DYNC2I1: variants seen among roughly 807,000 people sequenced by gnomAD.
The protein encoded by DYNC2I1 is cytoplasmic dynein 2 intermediate chain 1.
A neutral mutation model predicts 133.4 loss-of-function variants in DYNC2I1; 89 were observed. The observed-to-expected ratio is 0.67, with a 90% CI of 0.56 to 0.80. The LOEUF (loss-of-function observed/expected upper bound fraction) is 0.80. Among genes scored for constraint, DYNC2I1 ranks in the 30% least tolerant of loss-of-function variants. DYNC2I1 has a pLI of 0.00. For synonymous variants in DYNC2I1, 504 were observed against 484.3 expected, an observed-to-expected ratio of 1.04 and a Z score of -0.54; for missense variants, 1,291 against 1,314.5, an observed-to-expected ratio of 0.98 and a Z score of 0.28.
intron 3 of DYNC2I1, among the ~76,000 whole-genome samples, chr7:158,872,669 A>G (rs946196946): frequency 6.6e-6 from 1 of 150,984 alleles, no homozygotes; most frequent in African/African-American, 2.4e-5. Flanking sequence ...AGGAATAACA[A>G]TTTTCTCATT....
In DYNC2I1 at chr7:158,945,236, G is replaced by T. The variant is rs1167284360; in HGVS notation, c.3003-345G>T. ...CTCAGCTGTGGGTGAGATCCAGGGA[G>T]GCTGGAGACCAAGGACGAGGCTCTG... On this transcript the variant is annotated intron_variant, in intron 24 of 24. Coordinates refer to ENST00000407559, the MANE Select transcript of DYNC2I1 (RefSeq NM_018051.5). This position sits in a 1 kb window ranked among gnomAD's most constrained non-coding sequence, Gnocchi z 4.1. Among the ~76,000 whole-genome samples the T allele has an allele frequency of 6.6e-6, 1 of 152,064 alleles. No individual in the cohort carries two copies. Among genetic ancestry groups the T allele is most frequent in the African/African-American group, 2.4e-5 (1 of 41,402 alleles).
chr7:158,867,033 T>C (rs1174923783), intron 1 of DYNC2I1, among the ~76,000 whole-genome samples: 1 of 151,916 alleles, frequency 6.6e-6, no homozygotes, highest in Non-Finnish European at 1.5e-5. Flanking sequence ...TTTTTTTTTT[T>C]TTTGAAACAA....
intron 7 of DYNC2I1, 79 bp downstream of exon 7, chr7:158,887,154 T>G (rs1162452563): frequency 6.8e-7 from 1 of 1,468,928 alleles, no homozygotes; most frequent in African/African-American, 1.4e-5. Context: ...GGCTTCCCCT[T>G]GAAACCAGAG....
At chr7:158,908,230 A>G (rs1467674782) in intron 11 of DYNC2I1, among the ~76,000 whole-genome samples, 1 of 152,102 alleles carries the variant, frequency 6.6e-6, no homozygotes, top group African/African-American at 2.4e-5. Context: ...TTTGAGGGAA[A>G]ATAGATACCT....
chr7:158,933,405 G>A (rs1385237112), intron 21 of DYNC2I1, among the ~76,000 whole-genome samples: 1 of 152,198 alleles, frequency 6.6e-6, no homozygotes, highest in East Asian at 1.9e-4. Flanking sequence ...TGGGGCTTGA[G>A]CCCCATGCAG....
intron 5 of DYNC2I1, among the ~76,000 whole-genome samples, chr7:158,883,916 G>A (rs1246541618): frequency 4.6e-5 from 7 of 150,990 alleles, no homozygotes; most frequent in African/African-American, 9.8e-5. Flanking sequence ...CGCCCGCCTC[G>A]GCCTCCCAAA....
At chr7:158,878,952 G>A (rs1468393138) in intron 4 of DYNC2I1, among the ~76,000 whole-genome samples, 1 of 139,758 alleles carries the variant, frequency 7.2e-6, no homozygotes, top group East Asian at 2.3e-4. Flanking sequence ...AGGAGGGGAG[G>A]CCAGGAGGAC....
At chr7:158,897,104 C>T (rs1489042593) in intron 8 of DYNC2I1, among the ~76,000 whole-genome samples, 2 of 151,820 alleles carry the variant, frequency 1.3e-5, no homozygotes, top group Non-Finnish European at 2.9e-5. Flanking sequence ...CTGCCTCAGC[C>T]TCCCGAGTAG....
chr7:158,840,048 C>G, the DYNC2I1 span, among the ~76,000 whole-genome samples: 1 of 152,134 alleles, frequency 6.6e-6, no homozygotes, highest in Non-Finnish European at 1.5e-5. Flanking sequence ...CTCTTGGGCT[C>G]AAGCAATCCT....
chr7:158,955,736 C>T (rs1374974716), intron 4 of DYNC2I1, among the ~76,000 whole-genome samples: 1 of 152,232 alleles, frequency 6.6e-6, no homozygotes. Flanking sequence ...GCACTCCCCA[C>T]ACGCTGCTTT....
At chr7:158,864,440 T>C (rs1842220048) in intron 1 of DYNC2I1, among the ~76,000 whole-genome samples, 1 of 152,114 alleles carries the variant, frequency 6.6e-6, no homozygotes, top group Admixed American at 6.6e-5. Flanking sequence ...TATGGCAGTG[T>C]CCCTGGAAGG....
upstream of DYNC2I1, among the ~76,000 whole-genome samples, chr7:158,852,727 G>A (rs111712322): frequency 0.01 from 1,523 of 152,228 alleles, 31 homozygotes; most frequent in African/African-American, 0.034. Flanking sequence ...GGACAAGAGC[G>A]AGACTTCGTC....
chr7:158,853,297 A>C (rs1339019581), upstream of DYNC2I1, among the ~76,000 whole-genome samples: 1 of 152,210 alleles, frequency 6.6e-6, no homozygotes, highest in Non-Finnish European at 1.5e-5. Context: ...CTGAAGAAGT[A>C]GTTCAGGACA....
intron 1 of DYNC2I1, 147 bp from the exon 2 acceptor site, chr7:158,869,708 A>T: frequency 1.6e-6 from 1 of 617,946 alleles, no homozygotes; most frequent in Non-Finnish European, 2.9e-6. Flanking sequence ...TATTTCTGTT[A>T]CCTTTTATTC....
intron 1 of DYNC2I1, 98 bp from the exon 2 acceptor site, chr7:158,869,757 A>G: frequency 1.2e-6 from 1 of 851,228 alleles, no homozygotes; most frequent in Non-Finnish European, 1.8e-6. Context: ...GTCAAGAATT[A>G]ACTGCCATTG....
intron 15 of DYNC2I1, among the ~76,000 whole-genome samples, chr7:158,919,553 G>C (rs1033542378): frequency 1.3e-5 from 2 of 152,188 alleles, no homozygotes; most frequent in South Asian, 4.1e-4. Flanking sequence ...GAGGTGGTCC[G>C]TGTGGCCGTC....
At position 158,918,835 on chromosome 7, in the gene DYNC2I1, A is replaced by G. The variant is rs1298362304; in HGVS notation, c.1887A>G (p.Ser629=). The change falls in exon 15 of 25, where the codon TCA becomes TCG. Residue 629 remains serine (S), a synonymous_variant. Transcript: ENST00000407559. The stretch of plus-strand genomic sequence containing the variant: ...GGGCCCTGTATTTTAGTGACAGCTC[A>G]TCTCAGCTGAACACCAGTCTACCAT... ...QDRALYFSDS[S]SQLNTSLPFL... is the part of the protein sequence containing the mutation. The G allele has an allele frequency of 6.2e-7, 1 of 1,613,886 alleles. No homozygotes were observed. Among genetic ancestry groups the G allele is most frequent in the South Asian group, 1.1e-5 (1 of 91,088 alleles).
At chr7:158,930,829 G>A (rs982021801) in intron 21 of DYNC2I1, among the ~76,000 whole-genome samples, 11 of 152,048 alleles carry the variant, frequency 7.2e-5, no homozygotes, top group South Asian at 2.1e-4. Context: ...CACCGTGCCC[G>A]GCTAATTTTT....
chr7:158,891,237 G>A, intron 7 of DYNC2I1, 28 bp from the exon 8 acceptor site: 1 of 1,613,796 alleles, frequency 6.2e-7, no homozygotes, highest in Non-Finnish European at 8.5e-7. Context: ...CTGTGTCCTG[G>A]CTGATGGGGC....
Sources: allele counts gnomAD v4.1 joint callset (sites outside exome capture counted in the v4.1 genomes callset), GRCh38; gene constraint gnomAD v4.1.1; non-coding constraint Gnocchi (gnomAD v3.1); transcripts MANE v1.5; gene names NCBI Gene and HGNC (gene_info 2026-07-23, HGNC 2026-07-21).